The following CHRM5 variants were observed in gnomAD, a reference collection of about 807,000 sequenced individuals.
CHRM5 encodes the protein cholinergic receptor muscarinic 5.
In CHRM5, 18 loss-of-function variants were observed where a neutral mutation model predicts 39.0. The observed-to-expected ratio is 0.46, with a 90% CI of 0.32 to 0.68. CHRM5 has a LOEUF of 0.68. CHRM5 is among the 30% of genes least tolerant of loss of function. The pLI is 0.04. For synonymous variants in CHRM5, 241 were observed against 246.3 expected (o/e 0.98, Z 0.20); for missense variants, 515 against 651.1 (o/e 0.79, Z 2.28).
At chr15:34,058,692 C>T (rs1900239764) in intron 2 of CHRM5, among the ~76,000 whole-genome samples, 1 of 151,956 alleles carries the variant, frequency 6.6e-6, no homozygotes, top group Non-Finnish European at 1.5e-5. Flanking sequence ...TTTCTTCAGG[C>T]CTTCTCTGCC....
At chr15:33,992,145 G>A (rs1896749491) in intron 1 of CHRM5, 1 of 152,304 alleles carries the variant, frequency 6.6e-6, no homozygotes, top group Non-Finnish European at 1.5e-5. Flanking sequence ...CCAGCACTCT[G>A]GGAGGCCAAG....
chr15:34,019,645 C>A (rs191635784), intron 1 of CHRM5, among the ~76,000 whole-genome samples: 1 of 152,322 alleles, frequency 6.6e-6, no homozygotes, highest in East Asian at 1.9e-4. Context: ...TTTTACTGTA[C>A]CTTTTTTATG....
chr15:34,016,427 A>T (rs1385082987), intron 1 of CHRM5, among the ~76,000 whole-genome samples: 1 of 152,144 alleles, frequency 6.6e-6, no homozygotes, highest in Non-Finnish European at 1.5e-5. Context: ...TCACCTGGTC[A>T]ATTATCTGCT....
At chr15:33,970,147 TATAC>T (rs1895571809) in intron 1 of CHRM5, among the ~76,000 whole-genome samples, 1 of 152,064 alleles carries the variant, frequency 6.6e-6, no homozygotes, top group East Asian at 1.9e-4. Flanking sequence ...CTTGTGGTAA[TATAC>T]ATAAAGTTAT....
At chr15:34,049,296 C>T (rs1899842895) in intron 2 of CHRM5, among the ~76,000 whole-genome samples, 1 of 152,086 alleles carries the variant, frequency 6.6e-6, no homozygotes, top group Non-Finnish European at 1.5e-5. Flanking sequence ...TGCAAGGGAG[C>T]TATGAATCAT....
At chr15:34,025,374 T>C (rs1190128188) in intron 1 of CHRM5, among the ~76,000 whole-genome samples, 3 of 152,072 alleles carry the variant, frequency 2.0e-5, no homozygotes, top group Non-Finnish European at 4.4e-5. Context: ...ATAGGCTGAA[T>C]AAAAAATGAG....
chr15:34,040,034 G>A lies in CHRM5; in HGVS notation c.-407-6506G>A, dbSNP rs371872024. ...AAGCAAGGGCTAAAATGTCAGCCTA[G>A]CAGAATAAGTGTTTTCTTCCCCCTC... On this transcript the variant is annotated intron_variant, in intron 1 of 2. Transcript: ENST00000383263. 2.6e-5 allele frequency among the ~76,000 whole-genome samples: 4 copies of A among 152,298 alleles called. No homozygotes were observed. The East Asian group carries it at 7.7e-4, about 29-fold the overall frequency.
chr15:33,983,898 T>C (rs1597310411), intron 1 of CHRM5, among the ~76,000 whole-genome samples: 1 of 149,004 alleles, frequency 6.7e-6, no homozygotes, highest in Non-Finnish European at 1.5e-5. Context: ...TAGGGTATTC[T>C]CCCCCAGAAT....
chr15:34,012,962 T>C (rs1280712133), intron 1 of CHRM5, among the ~76,000 whole-genome samples: 1 of 152,190 alleles, frequency 6.6e-6, no homozygotes, highest in Non-Finnish European at 1.5e-5. Context: ...GTTTTAAATT[T>C]CCTAAATTCC....
At chr15:33,975,432 C>T (rs998437802) in intron 1 of CHRM5, among the ~76,000 whole-genome samples, 5 of 152,146 alleles carry the variant, frequency 3.3e-5, no homozygotes, top group Non-Finnish European at 5.9e-5. Context: ...GATCAAGCAA[C>T]TAAGACCTAG....
intron 2 of CHRM5, among the ~76,000 whole-genome samples, chr15:34,057,946 C>CAG (rs1006421483): frequency 1.8e-4 from 28 of 152,006 alleles, no homozygotes; most frequent in Non-Finnish European, 1.3e-4. Context: ...TTCCATTTAT[C>CAG]AGAGAGAGAG....
intron 1 of CHRM5, among the ~76,000 whole-genome samples, chr15:33,992,866 T>C (rs1456752828): frequency 2.0e-5 from 3 of 152,212 alleles, no homozygotes; most frequent in Non-Finnish European, 2.9e-5. Flanking sequence ...CTACCCAAAA[T>C]AGCTTTTCAT....
chr15:34,039,165 G>A (rs1209701400), intron 1 of CHRM5: 1 of 878,556 alleles, frequency 1.1e-6, no homozygotes, highest in African/African-American at 1.8e-5. Context: ...GTAGCAGCGA[G>A]GCGCGGGGTG....
At chr15:34,038,679 G>C in intron 1 of CHRM5, 5 of 1,036,296 alleles carry the variant, frequency 4.8e-6, no homozygotes, top group Non-Finnish European at 5.9e-6. Flanking sequence ...CGCCCGTCTG[G>C]CGCGCGCCTG....
intron 1 of CHRM5, among the ~76,000 whole-genome samples, chr15:33,980,981 T>C (rs551374580): frequency 1.6e-4 from 25 of 152,264 alleles, no homozygotes; most frequent in African/African-American, 6.0e-4. Flanking sequence ...AAGTAAAAAC[T>C]TTCTCACTTT....
Position 34,064,156 on chromosome 15 carries a change from G to T in CHRM5, c.1439G>T (p.Gly480Val), listed in dbSNP as rs764442245. 1 of 1,614,156 alleles carries T rather than the reference G, an allele frequency of 6.2e-7. No individual in the cohort carries two copies. The highest frequency in any genetic ancestry group is 1.6e-4 in the Middle Eastern group (1 of 6,062). Residue 480 changes from glycine to valine, a missense_variant, in exon 3 of 3, where the codon GGC becomes GTC. Physicochemically the swap from Gly to Val is moderately radical, Grantham distance 109. Transcript: ENST00000383263. ...GTCCCAGTCACCCTGTGGCACTTGG[G>T]CTATTGGTTGTGCTATGTCAATAGC... The part of the protein sequence containing the change: ...KCVPVTLWHL[G>V]YWLCYVNSTV...
intron 1 of CHRM5, among the ~76,000 whole-genome samples, chr15:33,993,593 T>C (rs1043340715): frequency 6.6e-6 from 1 of 152,198 alleles, no homozygotes; most frequent in Admixed American, 6.5e-5. Flanking sequence ...TTATTCCTTT[T>C]ATAAAGAGAT....
At chr15:33,983,711 C>A (rs1301622014) in intron 1 of CHRM5, among the ~76,000 whole-genome samples, 1 of 152,054 alleles carries the variant, frequency 6.6e-6, no homozygotes, top group Non-Finnish European at 1.5e-5. Flanking sequence ...TAGTGACTCG[C>A]TGCTAGTGAA....
intron 1 of CHRM5, among the ~76,000 whole-genome samples, chr15:34,028,526 T>C (rs1306814598): frequency 3.3e-5 from 5 of 152,154 alleles, no homozygotes; most frequent in African/African-American, 9.7e-5. Context: ...CATCATGCCA[T>C]GGGCACTCCA....
Sources: gnomAD v4.1 joint callset for allele counts (sites outside exome capture counted in the v4.1 genomes callset) on GRCh38, gnomAD v4.1.1 for gene constraint, MANE v1.5 for transcripts, NCBI Gene and HGNC (gene_info 2026-07-23, HGNC 2026-07-21) for gene names.